TP53BP1: variants seen among roughly 807,000 people sequenced by gnomAD.
TP53BP1 encodes TP53-binding protein 1.
In TP53BP1, 61 loss-of-function variants were observed where a neutral mutation model predicts 200.8. The observed-to-expected ratio is 0.30, with a 90% CI of 0.25 to 0.38. The LOEUF (loss-of-function observed/expected upper bound fraction) is 0.38. Among genes scored for constraint, TP53BP1 ranks in the 10% least tolerant of loss-of-function variants. The pLI is 1.00. For synonymous variants in TP53BP1, 822 were observed against 844.3 expected, an observed-to-expected ratio of 0.97 and a Z score of 0.46; for missense variants, 2,144 against 2,371.9, an observed-to-expected ratio of 0.90 and a Z score of 2.00.
chr15:43,476,664 G>A (rs989553613), intron 8 of TP53BP1, among the ~76,000 whole-genome samples: 6 of 152,094 alleles, frequency 3.9e-5, no homozygotes, highest in Non-Finnish European at 8.8e-5. Flanking sequence ...AAGGTTCCTC[G>A]GTGACCCTCT....
At position 43,479,900 on chromosome 15, in the gene TP53BP1, T is replaced by C. The variant is rs1436441876; in HGVS notation, c.617A>G (p.Asn206Ser). 2 of 1,613,936 alleles carry C rather than the reference T, an allele frequency of 1.2e-6. No individual in the cohort carries two copies. The highest frequency in any genetic ancestry group is 1.7e-5 in the Admixed American group (1 of 60,004). The change falls in exon 6 of 28, where the codon AAC (asparagine) becomes AGC (serine). Residue 206 changes from asparagine (N) to serine (S), a missense_variant. Transcript: ENST00000382044. The stretch of plus-strand genomic sequence containing the variant: ...ATCAGACAGCCTGGTATAACCAGAG[T>C]TGGTGGTTACTGATTGTAGCTGCTC... ...DKEQLQSVTT[N>S]SGYTRLSDVD... is the part of the protein sequence containing the mutation.
Position 43,420,440 on chromosome 15 carries a change from C to T in TP53BP1, c.4546G>A (p.Gly1516Arg), listed in dbSNP as rs374156682. The change falls in exon 21 of 28, where the codon GGA becomes AGA. Residue 1516 changes from glycine (G) to arginine (R), a missense_variant. Physicochemically the swap from Gly to Arg is moderately radical, Grantham distance 125. Around this residue, in one of 4 missense-constraint regions of TP53BP1, gnomAD observed 61 missense variants for 147.5 expected, o/e 0.41. Coordinates refer to ENST00000382044, the MANE Select transcript of TP53BP1 (RefSeq NM_001141980.3). Reference sequence around the variant, plus strand: ...AAGAGCAATTTATACTTCCCAGCTCCGACATCTCGTGTGATTTTCCCAGAG... The same window carrying T: ...AAGAGCAATTTATACTTCCCAGCTCTGACATCTCGTGTGATTTTCCCAGAG... ...FYSGKITRDV[G>R]AGKYKLLFDD... 11 of 1,614,056 alleles carry T rather than the reference C, an allele frequency of 6.8e-6. No individual in the cohort carries two copies. Among genetic ancestry groups the T allele is most frequent in the South Asian group, 1.1e-5 (1 of 91,086 alleles).
At chr15:43,447,203 C>CT in intron 13 of TP53BP1, 163 bp downstream of exon 13, 1 of 658,912 alleles carries the variant, frequency 1.5e-6, no homozygotes, top group Non-Finnish European at 2.5e-6. Flanking sequence ...CCCTCATCTC[C>CT]TAGTAGTAAA....
chr15:43,499,495 G>A (rs1299575072), intron 1 of TP53BP1, among the ~76,000 whole-genome samples: 1 of 152,176 alleles, frequency 6.6e-6, no homozygotes, highest in Non-Finnish European at 1.5e-5. Context: ...CCTACTTCCT[G>A]TGTCATTATT....
At chr15:43,489,711 G>C (rs532086986) in intron 4 of TP53BP1, among the ~76,000 whole-genome samples, 1 of 152,296 alleles carries the variant, frequency 6.6e-6, no homozygotes, top group East Asian at 1.9e-4. Context: ...AGTTTTATGA[G>C]AAATTTCCCC....
chr15:43,414,754 G>A (rs1028825153), intron 23 of TP53BP1, among the ~76,000 whole-genome samples: 4 of 151,868 alleles, frequency 2.6e-5, no homozygotes, highest in African/African-American at 9.7e-5. Flanking sequence ...CACCCAGGAT[G>A]GAGTGCCGTG....
At chr15:43,499,355 C>G (rs2079198114) in intron 1 of TP53BP1, among the ~76,000 whole-genome samples, 1 of 152,066 alleles carries the variant, frequency 6.6e-6, no homozygotes, top group Admixed American at 6.5e-5. Context: ...ACACCAAACC[C>G]CGTGATAATG....
chr15:43,435,761 T>C (rs936201973), intron 16 of TP53BP1, among the ~76,000 whole-genome samples: 1 of 152,132 alleles, frequency 6.6e-6, no homozygotes, highest in African/African-American at 2.4e-5. Context: ...AGTGGCACCA[T>C]CTTGGCTCAC....
chr15:43,472,904 G>A (rs547091930), intron 10 of TP53BP1, among the ~76,000 whole-genome samples: 1 of 152,132 alleles, frequency 6.6e-6, no homozygotes, highest in Non-Finnish European at 1.5e-5. Context: ...ATGAAGCCGC[G>A]GACCCTCACG....
At chr15:43,492,600 ATTATAT>A (rs1195090312) in intron 1 of TP53BP1, 132 bp from the exon 2 acceptor site, 40 of 661,204 alleles carry the variant, frequency 6.0e-5, no homozygotes, top group South Asian at 4.4e-4. Context: ...CAATTAGAAT[ATTATAT>A]TTATAATTGC....
chr15:43,472,399 T>C (rs191385911), intron 10 of TP53BP1, among the ~76,000 whole-genome samples: 1 of 152,292 alleles, frequency 6.6e-6, no homozygotes, highest in Non-Finnish European at 1.5e-5. Flanking sequence ...TTTGTAGAAA[T>C]CGTAAGAACT....
In TP53BP1 at chr15:43,492,376, T is replaced by G. The variant is rs1453201404; in HGVS notation, c.100A>C (p.Ser34Arg). The change falls in exon 2 of 28, where the codon AGC becomes CGC. Residue 34 changes from serine (S) to arginine (R), a missense_variant. This residue lies in a region of TP53BP1 where 1,700 missense variants were observed against 1,710.3 expected (regional missense o/e 0.99). Coordinates refer to ENST00000382044, the MANE Select transcript of TP53BP1 (RefSeq NM_001141980.3). ...CLIIEDSQPE[S>R]QVLEDDSGSH... ...CCAGAATCATCCTCTAGAACCTGGC[T>G]TTCAGGCTGAGAATCTTCAATTATC... 6.2e-7 allele frequency: 1 copy of G among 1,614,168 alleles called. No homozygotes were observed.
At chr15:43,417,857 A>G (rs968958773) in intron 21 of TP53BP1, among the ~76,000 whole-genome samples, 1 of 152,174 alleles carries the variant, frequency 6.6e-6, no homozygotes, top group Non-Finnish European at 1.5e-5. Flanking sequence ...TTCCAAATAC[A>G]AGAGAAGCCT....
In TP53BP1 at chr15:43,407,499, C is replaced by T; in HGVS notation, c.5818G>A (p.Glu1940Lys). ...GACACCACAGGCAGCTGCAATGCTT[C>T]AGCACACTTCAGCACCGAGGCTGGG... ...SCPASVLKCA[E>K]ALQLPVVSQE... The change falls in exon 28 of 28, where the codon GAA becomes AAA. Residue 1940 changes from glutamate (E) to lysine (K), a missense_variant. This residue lies in a region of TP53BP1 where 334 missense variants were observed against 453.4 expected (regional missense o/e 0.74). Coordinates refer to ENST00000382044, the MANE Select transcript of TP53BP1 (RefSeq NM_001141980.3). 2 of 1,614,234 alleles carry T rather than the reference C, an allele frequency of 1.2e-6. No homozygotes were observed. The highest frequency in any genetic ancestry group is 2.2e-5 in the East Asian group (1 of 44,880).
chr15:43,423,342 C>G (rs1848258886), intron 18 of TP53BP1, among the ~76,000 whole-genome samples: 1 of 151,210 alleles, frequency 6.6e-6, no homozygotes, highest in Admixed American at 6.6e-5. Flanking sequence ...TAAGATAGAT[C>G]CTTCCCTCAA....
rs143880719 is a variant in TP53BP1 at position 43,435,687 on chromosome 15, C to T, written c.3191+2637G>A. On this transcript the variant is annotated intron_variant, in intron 16 of 27. Transcript: ENST00000382044. ...CATAGAAATTTAGAAATTATGCTACCTATTAATTTTTTTTTTTTTAATGGA... is the reference window on the plus strand; with the variant it reads ...CATAGAAATTTAGAAATTATGCTACTTATTAATTTTTTTTTTTTTAATGGA... Among the ~76,000 whole-genome samples the T allele has an allele frequency of 3.7e-3, 547 of 149,322 alleles. 3 individuals are homozygous for T. The highest frequency in any genetic ancestry group is 0.013 in the African/African-American group (515 of 41,124).
chr15:43,420,707 T>C lies in TP53BP1; in HGVS notation c.4279A>G (p.Ile1427Val), dbSNP rs2045375060. ...GACAAGTTAGGTGAAATGTCCTCTA[T>C]GCCCAAGGGGCCAGGCACAGCTGTT... ...RETAVPGPLG[I>V]EDISPNLSPD... Residue 1427 changes from isoleucine (I) to valine (V), a missense_variant, in exon 21 of 28, where the codon ATA becomes GTA. Coordinates refer to ENST00000382044, the MANE Select transcript of TP53BP1 (RefSeq NM_001141980.3). The C allele has an allele frequency of 1.9e-6, 3 of 1,614,102 alleles. No homozygotes were observed. Among genetic ancestry groups the C allele is most frequent in the Non-Finnish European group, 2.5e-6 (3 of 1,179,976 alleles).
chr15:43,481,091 C>G (rs1303689302), intron 4 of TP53BP1, 69 bp from the exon 5 acceptor site: 4 of 1,573,084 alleles, frequency 2.5e-6, no homozygotes, highest in Non-Finnish European at 3.5e-6. Flanking sequence ...AGCACTCTGA[C>G]CCCCAACACA....
Position 43,456,531 on chromosome 15 carries a change from G to C in TP53BP1, c.2077C>G (p.Pro693Ala). 1 of 1,608,614 alleles carries C rather than the reference G, an allele frequency of 6.2e-7. No homozygotes were observed. The highest frequency in any genetic ancestry group is 8.5e-7 in the Non-Finnish European group (1 of 1,177,462). The change falls in exon 12 of 28, where the codon CCG (proline) becomes GCG (alanine). Residue 693 changes from proline to alanine, a missense_variant. Transcript: ENST00000382044. ...ELKEENMESV[P>A]LHLSLTETQS... ...GTTTCAGTCAGAGAAAGGTGCAACG[G>C]AACACTCTCCATATTTTCTTCTTTG...
Sources: allele counts gnomAD v4.1 joint callset (sites outside exome capture counted in the v4.1 genomes callset), GRCh38; gene constraint gnomAD v4.1.1; regional missense constraint gnomAD v4.1.1; transcripts MANE v1.5; gene names NCBI Gene and HGNC (gene_info 2026-07-23, HGNC 2026-07-21).